The following PPCDC variants were observed in gnomAD, a reference collection of about 807,000 sequenced individuals.
PPCDC encodes the protein phosphopantothenoylcysteine decarboxylase.
In PPCDC, 20 loss-of-function variants were observed where a neutral mutation model predicts 20.7. That is an observed-to-expected ratio of 0.97 (90% CI 0.68 to 1.41). PPCDC has a LOEUF of 1.41. Among genes scored for constraint, PPCDC ranks in the 40% most tolerant of loss-of-function variants. PPCDC has a pLI of 0.00. For missense variants in PPCDC, 246 were observed against 263.8 expected (o/e 0.93, Z 0.47); for synonymous variants, 88 against 100.3 (o/e 0.88, Z 0.73).
chr15:75,048,850 G>A, intron 5 of PPCDC, 129 bp downstream of exon 5: 1 of 1,246,866 alleles, frequency 8.0e-7, no homozygotes, highest in Non-Finnish European at 1.1e-6. Context: ...TTTCTCAGCT[G>A]GAAAATGGGA....
chr15:75,035,679 CAGGT>C (rs554253044), intron 2 of PPCDC, among the ~76,000 whole-genome samples: 58 of 152,290 alleles, frequency 3.8e-4, no homozygotes, highest in Non-Finnish European at 5.0e-4. Context: ...AAACTTTTCT[CAGGT>C]AGGCTGAGCG....
At position 75,044,433 on chromosome 15, in the gene PPCDC, G is replaced by A. The variant is rs1184703257; in HGVS notation, c.279G>A (p.Arg93=). 1.2e-6 allele frequency: 2 copies of A among 1,614,170 alleles called. No homozygotes were observed. The highest frequency in any genetic ancestry group is 1.7e-6 in the Non-Finnish European group (2 of 1,179,998). The change falls in exon 4 of 6, where the codon AGG becomes AGA. Residue 93 remains arginine, a synonymous_variant. Coordinates refer to ENST00000342932, the MANE Select transcript of PPCDC (RefSeq NM_021823.5). ...SDPVLHIDLR[R]WADLLLVAPL... is the part of the protein sequence containing the mutation. ...CAGTTCTGCACATTGACCTGCGGAG[G>A]TGGGCAGACCTCCTGCTGGTGGCTC...
intron 2 of PPCDC, among the ~76,000 whole-genome samples, chr15:75,033,506 T>C (rs567331245): frequency 4.9e-4 from 73 of 149,610 alleles, no homozygotes; most frequent in African/African-American, 1.7e-3. Flanking sequence ...TGTATATTTG[T>C]GTGTGTGTGT....
intron 1 of PPCDC, among the ~76,000 whole-genome samples, chr15:75,024,923 G>C (rs1449135991): frequency 7.3e-6 from 1 of 136,984 alleles, no homozygotes; most frequent in Non-Finnish European, 1.6e-5. Context: ...TTTTTTTTTT[G>C]TGGTACTATT....
At chr15:75,036,710 G>T (rs1216820597) in intron 2 of PPCDC, among the ~76,000 whole-genome samples, 1 of 152,184 alleles carries the variant, frequency 6.6e-6, no homozygotes. Context: ...AAGGCTCTGA[G>T]ACCTTGAGTG....
intron 2 of PPCDC, among the ~76,000 whole-genome samples, chr15:75,031,783 A>G (rs1345222534): frequency 6.6e-6 from 1 of 152,176 alleles, no homozygotes; most frequent in Non-Finnish European, 1.5e-5. Context: ...GTACCACAAA[A>G]TATGAGATTC....
In PPCDC at chr15:75,042,345, GT is replaced by G. The variant is rs1296599021; in HGVS notation, c.136-1094del. On this transcript the variant is annotated intron_variant, in intron 2 of 5. Transcript: ENST00000342932. Reference sequence around the variant, plus strand: ...CTGGGCCCCTGTACTTTGCCAGCTCGTTAGTCTAAAATCTTGTTTTACAGGC... The same window carrying G: ...CTGGGCCCCTGTACTTTGCCAGCTCGTAGTCTAAAATCTTGTTTTACAGGC... Among the ~76,000 whole-genome samples, 5 of 152,184 alleles carry G rather than the reference GT, an allele frequency of 3.3e-5. No individual in the cohort carries two copies. The East Asian group carries it at 9.7e-4, about 29-fold the overall frequency.
intron 5 of PPCDC, among the ~76,000 whole-genome samples, chr15:75,048,941 C>T (rs868356619): frequency 1.3e-5 from 2 of 152,324 alleles, no homozygotes; most frequent in Middle Eastern, 6.8e-3. Context: ...TGGCACGCAG[C>T]CCACACGCAG....
Position 75,028,448 on chromosome 15 carries a change from C to G in PPCDC, c.130C>G (p.Pro44Ala), listed in dbSNP as rs147547634. ...PLLVSKLLDIPGLEVAVVTTE... is the reference protein window; with the variant it reads ...PLLVSKLLDIAGLEVAVVTTE... ...TCTGGTGTCAAAGCTTTTGGACATT[C>G]CTGGGGTGAGTATCCTCACCAGATA... Residue 44 changes from proline to alanine, a missense_variant, in exon 2 of 6, where the codon CCT (proline) becomes GCT (alanine). By Grantham distance (27) the Pro-to-Ala change is conservative. Around this residue, in one of 2 missense-constraint regions of PPCDC, gnomAD observed 225 missense variants for 222.6 expected, o/e 1.01. Coordinates refer to ENST00000342932, the MANE Select transcript of PPCDC (RefSeq NM_021823.5). The G allele has an allele frequency of 2.5e-6, 4 of 1,614,200 alleles. No individual in the cohort carries two copies. The highest frequency in any genetic ancestry group is 1.7e-5 in the Admixed American group (1 of 60,028).
chr15:75,049,126 G>A (rs1302992253), intron 5 of PPCDC, 24 bp from the exon 6 acceptor site: 2 of 1,607,422 alleles, frequency 1.2e-6, no homozygotes, highest in Non-Finnish European at 8.5e-7. Flanking sequence ...GGCCTGTCTG[G>A]CCACAGCGGA....
At chr15:75,041,841 C>T (rs956338535) in intron 2 of PPCDC, among the ~76,000 whole-genome samples, 3 of 152,152 alleles carry the variant, frequency 2.0e-5, no homozygotes, top group Non-Finnish European at 4.4e-5. Context: ...GCCGCTGTGT[C>T]ATCCACCCTG....
rs1472048608 is a variant in PPCDC, at chr15:75,048,631, C to T, written c.439C>T (p.Pro147Ser). 1.2e-6 allele frequency: 2 copies of T among 1,614,102 alleles called. No individual in the cohort carries two copies. Among genetic ancestry groups the T allele is most frequent in the Non-Finnish European group, 1.7e-6 (2 of 1,180,048 alleles). Residue 147 changes from proline to serine, a missense_variant, in exon 5 of 6, where the codon CCG becomes TCG. Pro to Ser is a moderately conservative substitution (Grantham distance 74). Coordinates refer to ENST00000342932, the MANE Select transcript of PPCDC (RefSeq NM_021823.5). ...CATGAACACCGCCATGTGGGAGCAC[C>T]CGATCACAGCGCAGCAGGTAGACCA... ...PAMNTAMWEH[P>S]ITAQQVDQLK...
intron 4 of PPCDC, among the ~76,000 whole-genome samples, chr15:75,046,421 C>T (rs370986144): frequency 2.0e-5 from 3 of 152,376 alleles, no homozygotes; most frequent in Middle Eastern, 3.4e-3. Context: ...AGCTAAGCCC[C>T]GGCCTGGGCC....
rs373109290 is a variant in PPCDC at position 75,028,406 on chromosome 15, G to T, written c.88G>T (p.Ala30Ser). 26 of 1,614,102 alleles carry T rather than the reference G, an allele frequency of 1.6e-5. No homozygotes were observed. The highest frequency in any genetic ancestry group is 2.1e-5 in the Non-Finnish European group (25 of 1,180,050). Residue 30 changes from alanine to serine, a missense_variant, in exon 2 of 6, where the codon GCC becomes TCC. Physicochemically the swap from Ala to Ser is moderately conservative, Grantham distance 99. Around this residue, in one of 2 missense-constraint regions of PPCDC, gnomAD observed 225 missense variants for 222.6 expected, o/e 1.01. Coordinates refer to ENST00000342932, the MANE Select transcript of PPCDC (RefSeq NM_021823.5). Reference sequence around the variant, plus strand: ...TGTGGGTGTCACGGGGAGTGTCGCAGCCCTGAAGTTGCCTCTTCTGGTGTC... The same window carrying T: ...TGTGGGTGTCACGGGGAGTGTCGCATCCCTGAAGTTGCCTCTTCTGGTGTC... ...VLVGVTGSVA[A>S]LKLPLLVSKL...
At chr15:75,027,081 C>A (rs1015301373) in intron 1 of PPCDC, among the ~76,000 whole-genome samples, 3 of 152,194 alleles carry the variant, frequency 2.0e-5, no homozygotes, top group African/African-American at 7.2e-5. Context: ...ATTCAGGGAG[C>A]TTGCTGGTGG....
At chr15:75,046,056 TA>T (rs971866110) in intron 4 of PPCDC, among the ~76,000 whole-genome samples, 1 of 148,620 alleles carries the variant, frequency 6.7e-6, no homozygotes, top group African/African-American at 2.5e-5. Context: ...ACAAAACATA[TA>T]AAAAAAATTA....
chr15:75,031,666 T>A (rs1175639105), intron 2 of PPCDC, among the ~76,000 whole-genome samples: 3 of 152,158 alleles, frequency 2.0e-5, no homozygotes, highest in Admixed American at 6.5e-5. Flanking sequence ...ATCATGCCAC[T>A]GCACTCCAGT....
In PPCDC at chr15:75,048,584, A is replaced by G. The variant is rs1189329662; in HGVS notation, c.392A>G (p.Lys131Arg). 2 of 1,614,068 alleles carry G rather than the reference A, an allele frequency of 1.2e-6. No homozygotes were observed. The highest frequency in any genetic ancestry group is 1.7e-6 in the Non-Finnish European group (2 of 1,180,014). ...TCVMRAWDRS[K>R]PLLFCPAMNT... The stretch of plus-strand genomic sequence containing the variant: ...GTCATGCGGGCCTGGGACCGCAGCA[A>G]GCCCCTGCTCTTCTGCCCGGCCATG... The change falls in exon 5 of 6, where the codon AAG (lysine) becomes AGG (arginine). Residue 131 changes from lysine to arginine, a missense_variant. Around this residue, in one of 2 missense-constraint regions of PPCDC, gnomAD observed 225 missense variants for 222.6 expected, o/e 1.01. Coordinates refer to ENST00000342932, the MANE Select transcript of PPCDC (RefSeq NM_021823.5).
At chr15:75,035,008 T>A (rs1427771663) in intron 2 of PPCDC, among the ~76,000 whole-genome samples, 1 of 150,962 alleles carries the variant, frequency 6.6e-6, no homozygotes, top group Admixed American at 6.6e-5. Context: ...GCTTGCCACA[T>A]TCAAATTTAA....
Sources: allele counts gnomAD v4.1 joint callset (sites outside exome capture counted in the v4.1 genomes callset), GRCh38; gene constraint gnomAD v4.1.1; regional missense constraint gnomAD v4.1.1; transcripts MANE v1.5; gene names NCBI Gene and HGNC (gene_info 2026-07-23, HGNC 2026-07-21).